PCDH7: variants seen among roughly 807,000 people sequenced by gnomAD.
PCDH7 encodes the protein protocadherin 7.
PCDH7 carries 17 observed loss-of-function variants against 58.9 expected under a neutral mutation model. That is an observed-to-expected ratio of 0.29 (90% CI 0.20 to 0.43). PCDH7 has a LOEUF of 0.43. PCDH7 is among the 20% of genes least tolerant of loss of function. The pLI, the probability that PCDH7 is intolerant of heterozygous loss-of-function variation, is 1.00. For synonymous variants in PCDH7, 664 were observed against 616.4 expected, an observed-to-expected ratio of 1.08 and a Z score of -1.14; for missense variants, 1,274 against 1,441.0, an observed-to-expected ratio of 0.88 and a Z score of 1.88.
intron 3 of PCDH7, among the ~76,000 whole-genome samples, chr4:31,074,794 A>AAAAAAAAAAAAAAAAAAAC (rs1758844997): frequency 6.6e-6 from 1 of 150,448 alleles, no homozygotes; most frequent in Non-Finnish European, 1.5e-5. Flanking sequence ...CAAAAAAAAA[A>AAAAAAAAAAAAAAAAAAAC]AAAAAAAAAA....
chr4:31,128,392 T>G (rs549868787), intron 3 of PCDH7, among the ~76,000 whole-genome samples: 2 of 152,248 alleles, frequency 1.3e-5, no homozygotes, highest in Non-Finnish European at 2.9e-5. Context: ...GTTGGCACAT[T>G]GCCTACAGTA....
intron 3 of PCDH7, among the ~76,000 whole-genome samples, chr4:31,087,508 T>C (rs929775235): frequency 2.6e-5 from 4 of 152,126 alleles, no homozygotes; most frequent in African/African-American, 9.7e-5. Flanking sequence ...GCATCTTTTT[T>C]AGGGAACCAG....
intron 1 of PCDH7, among the ~76,000 whole-genome samples, chr4:30,874,401 G>A (rs908216963): frequency 4.6e-5 from 7 of 152,016 alleles, no homozygotes; most frequent in African/African-American, 1.2e-4. Flanking sequence ...TTTCATGGAT[G>A]AAATTGGAAA....
intron 3 of PCDH7, among the ~76,000 whole-genome samples, chr4:31,022,141 T>C (rs1304860783): frequency 6.6e-6 from 1 of 152,166 alleles, no homozygotes; most frequent in Non-Finnish European, 1.5e-5. Context: ...GTAGTGAGAG[T>C]TGATTTTCTG....
intron 2 of PCDH7, among the ~76,000 whole-genome samples, chr4:30,943,198 A>C (rs1009184718): frequency 3.9e-5 from 6 of 152,002 alleles, no homozygotes; most frequent in Non-Finnish European, 8.8e-5. Context: ...ACCCTTGTTT[A>C]TAACTTCAGT....
chr4:30,742,970 C>T (rs1438021641), intron 1 of PCDH7, among the ~76,000 whole-genome samples: 1 of 152,120 alleles, frequency 6.6e-6, no homozygotes, highest in African/African-American at 2.4e-5. Flanking sequence ...GCAAATCACT[C>T]AACTTCTCTT....
rs57182771 is a variant in PCDH7 at position 30,986,908 on chromosome 4, G to C, written c.*7+36693G>C. 3.7e-3 allele frequency among the ~76,000 whole-genome samples: 559 copies of C among 152,010 alleles called. 2 individuals carry two copies. The highest frequency in any genetic ancestry group is 0.013 in the African/African-American group (536 of 41,460). ...AGGCAGAAGAATCACTTGAACCTGG[G>C]AGGCGGAGGTTGCAGTGAGCCGAGA... On this transcript the variant is annotated intron_variant, in intron 3 of 3. Coordinates refer to the PCDH7 transcript ENST00000509759.
At chr4:30,942,930 T>C (rs574678628) in intron 2 of PCDH7, among the ~76,000 whole-genome samples, 3 of 151,650 alleles carry the variant, frequency 2.0e-5, no homozygotes, top group South Asian at 4.2e-4. Flanking sequence ...TGCTACTCTT[T>C]ACACATTTCA....
chr4:31,118,085 T>G (rs1717220043), intron 3 of PCDH7, among the ~76,000 whole-genome samples: 1 of 152,218 alleles, frequency 6.6e-6, no homozygotes, highest in South Asian at 2.1e-4. Context: ...TTGTGTTTCC[T>G]CCACAATCCC....
chr4:30,746,233 T>C (rs923219197), intron 1 of PCDH7, among the ~76,000 whole-genome samples: 2 of 152,164 alleles, frequency 1.3e-5, no homozygotes, highest in Non-Finnish European at 2.9e-5. Flanking sequence ...ATTTCTATCT[T>C]TTATGAAAAT....
intron 1 of PCDH7, among the ~76,000 whole-genome samples, chr4:30,782,725 T>C: frequency 6.6e-6 from 1 of 152,212 alleles, no homozygotes; most frequent in East Asian, 1.9e-4. Flanking sequence ...TAGAAAAGTA[T>C]GATTGGACAA....
At chr4:30,833,276 T>C (rs905997637) in intron 1 of PCDH7, among the ~76,000 whole-genome samples, 2 of 152,116 alleles carry the variant, frequency 1.3e-5, no homozygotes, top group Non-Finnish European at 2.9e-5. Context: ...AATCCAGATA[T>C]CAGCAGGATT....
chr4:31,121,596 T>A (rs761292661), intron 3 of PCDH7, among the ~76,000 whole-genome samples: 1 of 152,306 alleles, frequency 6.6e-6, no homozygotes, highest in Middle Eastern at 3.4e-3. Flanking sequence ...GAAAATATGA[T>A]TACTAGTTGA....
chr4:30,727,478 G>A lies in PCDH7; in HGVS notation c.3174+2882G>A, dbSNP rs146252371. Reference sequence around the variant, plus strand: ...TGGTAGAGTTGCTGGAATTATTTCCGAAATTCACACTTTAGAAAAACTCAC... The same window carrying A: ...TGGTAGAGTTGCTGGAATTATTTCCAAAATTCACACTTTAGAAAAACTCAC... On this transcript the variant is annotated intron_variant, in intron 1 of 1. Coordinates refer to ENST00000361762, the Ensembl canonical transcript of PCDH7. Among the ~76,000 whole-genome samples, 549 of 152,008 alleles carry A rather than the reference G, an allele frequency of 3.6e-3. 2 individuals are homozygous for A. Among genetic ancestry groups the A allele is most frequent in the African/African-American group, 0.013 (527 of 41,536 alleles).
intron 3 of PCDH7, among the ~76,000 whole-genome samples, chr4:31,131,368 A>G (rs985401213): frequency 1.3e-5 from 2 of 152,092 alleles, no homozygotes; most frequent in Admixed American, 6.5e-5. Flanking sequence ...TGGTCACCAG[A>G]GATCATTTTC....
intron 2 of PCDH7, among the ~76,000 whole-genome samples, chr4:30,929,778 G>T (rs545982189): frequency 6.6e-6 from 1 of 152,026 alleles, no homozygotes; most frequent in Non-Finnish European, 1.5e-5. Context: ...ATCTGAGAGC[G>T]GTATGCATTT....
intron 1 of PCDH7, among the ~76,000 whole-genome samples, chr4:30,816,508 G>A (rs755388555): frequency 2.6e-5 from 4 of 151,116 alleles, no homozygotes; most frequent in Non-Finnish European, 4.4e-5. Context: ...TTAAATCTGT[G>A]CTGTAATTCT....
intron 1 of PCDH7, among the ~76,000 whole-genome samples, chr4:30,863,149 G>T (rs1310043459): frequency 6.6e-6 from 1 of 152,212 alleles, no homozygotes; most frequent in East Asian, 1.9e-4. Flanking sequence ...TTTTTGCCTG[G>T]TGGTTATGGA....
intron 1 of PCDH7, among the ~76,000 whole-genome samples, chr4:30,730,379 G>A (rs1715312196): frequency 6.6e-6 from 1 of 152,064 alleles, no homozygotes; most frequent in African/African-American, 2.4e-5. Flanking sequence ...TAGCATTAGT[G>A]TTGTGGGAAA....
Sources: gnomAD v4.1 joint callset for allele counts (sites outside exome capture counted in the v4.1 genomes callset) on GRCh38, gnomAD v4.1.1 for gene constraint, MANE v1.5 for transcripts, NCBI Gene and HGNC (gene_info 2026-07-23, HGNC 2026-07-21) for gene names.